PAK3: variants seen among roughly 807,000 people sequenced by gnomAD.
The protein encoded by PAK3 is serine/threonine-protein kinase PAK 3.
Under a neutral mutation model 41.0 loss-of-function variants are expected in PAK3, and 4 were observed. That is an observed-to-expected ratio of 0.10 (90% CI 0.05 to 0.22). The LOEUF (loss-of-function observed/expected upper bound fraction) is 0.22. PAK3 is among the 10% of genes least tolerant of loss of function. The pLI, the probability that PAK3 is intolerant of heterozygous loss-of-function variation, is 1.00. For synonymous variants in PAK3, 146 were observed against 139.6 expected, an observed-to-expected ratio of 1.05 and a Z score of -0.32; for missense variants, 205 against 409.9, an observed-to-expected ratio of 0.50 and a Z score of 4.32.
intron 16 of PAK3, 150 bp from the exon 17 acceptor site, chrX:111,216,271 A>G: frequency 2.1e-6 from 1 of 487,361 alleles, no homozygotes; most frequent in South Asian, 2.9e-5. Flanking sequence ...TCTAAATGTT[A>G]TAGAAACTTT....
intron 1 of PAK3, among the ~76,000 whole-genome samples, chrX:111,019,819 G>A (rs992407037): frequency 1.8e-5 from 2 of 110,396 alleles, no homozygotes; most frequent in Non-Finnish European, 3.8e-5. Context: ...ACTAGTCATT[G>A]GAGAAAGGCA....
At chrX:111,179,019 ATATATATATATATGGTTGAAAGTC>A (rs1569446827) in intron 11 of PAK3, among the ~76,000 whole-genome samples, 1 of 105,824 alleles carries the variant, frequency 9.4e-6, no homozygotes, top group South Asian at 4.0e-4. Flanking sequence ...ATCTATATAT[ATATATATATATATGGTTGAAAGTC>A]TACTTATGAT....
intron 14 of PAK3, 112 bp downstream of exon 14, chrX:111,194,530 C>T: frequency 3.5e-6 from 2 of 579,268 alleles, no homozygotes; most frequent in South Asian, 2.3e-5. Flanking sequence ...AACTTTTCCA[C>T]TGAAAACAAT....
chrX:111,160,562 C>T (rs1482039771), intron 8 of PAK3, among the ~76,000 whole-genome samples: 1 of 108,720 alleles, frequency 9.2e-6, no homozygotes, highest in African/African-American at 3.4e-5. Flanking sequence ...GTGTGCTGCA[C>T]CCATTAACTC....
At chrX:111,220,010 G>A (rs763076570) in intron 17 of PAK3, among the ~76,000 whole-genome samples, 14 of 112,038 alleles carry the variant, frequency 1.2e-4, no homozygotes, top group Non-Finnish European at 1.9e-4. Flanking sequence ...TTGGTTTCAG[G>A]ACAGAGTTCT....
chrX:111,211,713 G>A (rs184863652), intron 16 of PAK3, among the ~76,000 whole-genome samples: 213 of 109,586 alleles, frequency 1.9e-3, no homozygotes, highest in African/African-American at 6.9e-3. Flanking sequence ...TATGTGTTGG[G>A]GAGAGTCTTA....
intron 1 of PAK3, among the ~76,000 whole-genome samples, chrX:111,009,334 A>G (rs989743200): frequency 9.0e-6 from 1 of 111,639 alleles, no homozygotes; most frequent in African/African-American, 3.3e-5. Context: ...ATGTACTTTT[A>G]GGAAGAGTGA....
chrX:110,984,972 T>C (rs2091517034), intron 1 of PAK3, among the ~76,000 whole-genome samples: 2 of 110,615 alleles, frequency 1.8e-5, no homozygotes, highest in South Asian at 7.9e-4. Flanking sequence ...CTACTAAAAA[T>C]ACAAAAATTA....
chrX:111,163,124 C>T (rs2094211310), intron 9 of PAK3, 78 bp downstream of exon 9: 2 of 943,148 alleles, frequency 2.1e-6, no homozygotes, highest in Non-Finnish European at 3.1e-6. Flanking sequence ...TATAGTTAAT[C>T]AGCTAGTACC....
intron 1 of PAK3, among the ~76,000 whole-genome samples, chrX:111,088,200 C>T (rs970704033): frequency 1.8e-5 from 2 of 111,657 alleles, no homozygotes; most frequent in Middle Eastern, 4.6e-3. Flanking sequence ...TGCTTTCCCA[C>T]TTTACATGCA....
At chrX:111,117,076 C>T (rs2093477884) in intron 4 of PAK3, among the ~76,000 whole-genome samples, 1 of 111,635 alleles carries the variant, frequency 9.0e-6, no homozygotes, top group African/African-American at 3.3e-5. Flanking sequence ...AGCTCCAAAA[C>T]GAGGCCATCT....
intron 4 of PAK3, among the ~76,000 whole-genome samples, chrX:111,119,471 A>T (rs912058762): frequency 1.8e-5 from 2 of 112,232 alleles, no homozygotes; most frequent in East Asian, 2.8e-4. Context: ...TACAGAAATG[A>T]ACAACAACAG....
chrX:111,173,217 G>A, intron 11 of PAK3, 136 bp downstream of exon 11: 1 of 460,036 alleles, frequency 2.2e-6, no homozygotes, highest in Non-Finnish European at 3.9e-6. Flanking sequence ...TGCATTCTCA[G>A]TATTGGCCTT....
chrX:111,164,013 T>C (rs191089363), intron 10 of PAK3, among the ~76,000 whole-genome samples: 7 of 112,249 alleles, frequency 6.2e-5, no homozygotes, highest in African/African-American at 1.9e-4. Context: ...CAAAAGAGAA[T>C]AGTCTGATAA....
At chrX:110,986,940 T>C (rs1176989329) in intron 1 of PAK3, among the ~76,000 whole-genome samples, 1 of 112,052 alleles carries the variant, frequency 8.9e-6, no homozygotes, top group Non-Finnish European at 1.9e-5. Flanking sequence ...CATAAACATA[T>C]ACACACTACA....
chrX:111,076,106 G>A (rs2092783175), intron 1 of PAK3, among the ~76,000 whole-genome samples: 1 of 111,988 alleles, frequency 8.9e-6, no homozygotes, highest in Non-Finnish European at 1.9e-5. Flanking sequence ...GTCTCCAGAT[G>A]AGACTTTGGA....
intron 1 of PAK3, among the ~76,000 whole-genome samples, chrX:110,991,816 C>T (rs2091653540): frequency 9.0e-6 from 1 of 110,726 alleles, no homozygotes; most frequent in African/African-American, 3.3e-5. Flanking sequence ...GCAGGCATTT[C>T]GTTAAACACT....
intron 1 of PAK3, chrX:111,013,837 C>T (rs2092048111): frequency 9.0e-6 from 1 of 111,553 alleles, no homozygotes; most frequent in African/African-American, 3.3e-5. Context: ...GAATAACATA[C>T]AGAGGACAGC....
At chrX:111,020,535 G>T (rs1602833787) in intron 1 of PAK3, among the ~76,000 whole-genome samples, 1 of 111,339 alleles carries the variant, frequency 9.0e-6, no homozygotes, top group African/African-American at 3.3e-5. Context: ...CAGATAGGAG[G>T]CAGGACTAGC....
Sources: gnomAD v4.1 joint callset for allele counts (sites outside exome capture counted in the v4.1 genomes callset) on GRCh38, gnomAD v4.1.1 for gene constraint, MANE v1.5 for transcripts, NCBI Gene and HGNC (gene_info 2026-07-23, HGNC 2026-07-21) for gene names.